Variants in ASCC3 observed in about 807,000 individuals in gnomAD.
ASCC3 encodes activating signal cointegrator 1 complex subunit 3.
A neutral mutation model predicts 256.3 loss-of-function variants in ASCC3; 158 were observed. The ratio of observed to expected loss-of-function variants is 0.62; its 90% CI spans 0.54 to 0.70. The LOEUF is 0.70. Ranked by LOEUF, ASCC3 falls within the 30% of genes least tolerant of loss-of-function variation. ASCC3 has a pLI of 0.00. For missense variants in ASCC3, 2,259 were observed against 2,626.0 expected (o/e 0.86, Z 3.05); for synonymous variants, 948 against 883.4 (o/e 1.07, Z -1.30).
intron 36 of ASCC3, among the ~76,000 whole-genome samples, chr6:100,573,363 A>G (rs1353382591): frequency 6.6e-6 from 1 of 152,152 alleles, no homozygotes; most frequent in East Asian, 1.9e-4. Context: ...AGGAGGTCAT[A>G]GTGATTTCTG....
At chr6:100,715,354 A>G in intron 13 of ASCC3, 108 bp downstream of exon 13, 2 of 964,018 alleles carry the variant, frequency 2.1e-6, no homozygotes, top group Middle Eastern at 6.1e-4. Context: ...ATTGCCTCAG[A>G]ATTAAAGAAA....
At chr6:100,578,667 T>C (rs935027542) in intron 36 of ASCC3, among the ~76,000 whole-genome samples, 30 of 152,240 alleles carry the variant, frequency 2.0e-4, no homozygotes, top group African/African-American at 6.7e-4. Context: ...CAGTCTACTG[T>C]TGACGGGCAT....
At chr6:100,837,398 G>A (rs1771928592) in intron 4 of ASCC3, among the ~76,000 whole-genome samples, 2 of 151,948 alleles carry the variant, frequency 1.3e-5, no homozygotes. Flanking sequence ...TATATCCACA[G>A]GAAAACAAAT....
intron 8 of ASCC3, among the ~76,000 whole-genome samples, chr6:100,790,428 G>T (rs1769297680): frequency 6.6e-6 from 1 of 151,842 alleles, no homozygotes; most frequent in Non-Finnish European, 1.5e-5. Flanking sequence ...ATGAACTCAA[G>T]AAATTATTAC....
intron 39 of ASCC3, among the ~76,000 whole-genome samples, chr6:100,513,594 T>C: frequency 6.6e-6 from 1 of 152,178 alleles, no homozygotes; most frequent in African/African-American, 2.4e-5. Flanking sequence ...TTATATTTTA[T>C]ATCATAAGGA....
At chr6:100,588,732 G>A (rs1041540088) in intron 36 of ASCC3, among the ~76,000 whole-genome samples, 14 of 151,938 alleles carry the variant, frequency 9.2e-5, no homozygotes, top group Non-Finnish European at 2.1e-4. Flanking sequence ...TTTCTTGTAG[G>A]GGAAAAAACT....
At chr6:100,799,229 G>T (rs1257250754) in intron 7 of ASCC3, among the ~76,000 whole-genome samples, 2 of 151,992 alleles carry the variant, frequency 1.3e-5, no homozygotes, top group Non-Finnish European at 2.9e-5. Context: ...ACAATGAAAA[G>T]GAGGGAAACA....
chr6:100,820,586 T>C (rs1770989226), intron 4 of ASCC3, among the ~76,000 whole-genome samples: 2 of 151,336 alleles, frequency 1.3e-5, no homozygotes, highest in Admixed American at 1.3e-4. Context: ...TAAAAAAAAA[T>C]TCCTAACTAT....
chr6:100,725,572 T>C lies in ASCC3; in HGVS notation c.1869A>G (p.Val623=), dbSNP rs1358443676. 3 of 1,612,786 alleles carry C rather than the reference T, an allele frequency of 1.9e-6. No homozygotes were observed. The highest frequency in any genetic ancestry group is 1.1e-5 in the South Asian group (1 of 91,056). The part of the protein sequence containing the change: ...VHLLHEDRGP[V]LESIVARTLR... Reference sequence around the variant, plus strand: ...AAGTACGGGCAACTATGCTTTCTAATACTGGTCCTCTATCTTCATGCAGCA... The same window carrying C: ...AAGTACGGGCAACTATGCTTTCTAACACTGGTCCTCTATCTTCATGCAGCA... Residue 623 remains valine (V), a synonymous_variant, in exon 11 of 42, where the codon GTA becomes GTG. Coordinates refer to ENST00000369162, the MANE Select transcript of ASCC3 (RefSeq NM_006828.4).
intron 8 of ASCC3, among the ~76,000 whole-genome samples, chr6:100,777,708 C>T (rs1280292541): frequency 6.6e-6 from 1 of 151,898 alleles, no homozygotes; most frequent in Non-Finnish European, 1.5e-5. Context: ...AGAAGCAGAC[C>T]ACTAAATCAG....
At chr6:100,822,615 G>A (rs1032911988) in intron 4 of ASCC3, among the ~76,000 whole-genome samples, 1 of 151,704 alleles carries the variant, frequency 6.6e-6, no homozygotes, top group Non-Finnish European at 1.5e-5. Flanking sequence ...CTGTGAGTGA[G>A]ATACAACCTC....
At chr6:100,581,550 G>A (rs1413656982) in intron 36 of ASCC3, among the ~76,000 whole-genome samples, 2 of 150,818 alleles carry the variant, frequency 1.3e-5, no homozygotes, top group African/African-American at 2.4e-5. Flanking sequence ...TCACTCTGAT[G>A]GTAGTTTCTT....
chr6:100,708,862 T>C (rs1201787995), intron 13 of ASCC3, among the ~76,000 whole-genome samples: 1 of 152,150 alleles, frequency 6.6e-6, no homozygotes, highest in Admixed American at 6.6e-5. Context: ...ATTTTACTAA[T>C]TGAAAATAAG....
intron 32 of ASCC3, 65 bp from the exon 33 acceptor site, chr6:100,605,765 T>C: frequency 6.5e-7 from 1 of 1,534,020 alleles, no homozygotes; most frequent in South Asian, 1.1e-5. Context: ...TATTTACTGA[T>C]TATGGCATGC....
intron 10 of ASCC3, among the ~76,000 whole-genome samples, chr6:100,746,917 A>C (rs1780705903): frequency 6.6e-6 from 1 of 152,152 alleles, no homozygotes; most frequent in South Asian, 2.1e-4. Flanking sequence ...TAGAGGTGTC[A>C]AGTCAATTTG....
chr6:100,602,201 C>T (rs978881649), intron 33 of ASCC3, among the ~76,000 whole-genome samples: 2 of 151,960 alleles, frequency 1.3e-5, no homozygotes, highest in Admixed American at 1.3e-4. Context: ...GTATTATTCA[C>T]CAGTACATAT....
chr6:100,795,327 A>C (rs1769556383), intron 8 of ASCC3, among the ~76,000 whole-genome samples: 1 of 152,094 alleles, frequency 6.6e-6, no homozygotes, highest in African/African-American at 2.4e-5. Context: ...AAAAATAATA[A>C]GAGAAACACA....
At chr6:100,574,911 T>C (rs1770779946) in intron 36 of ASCC3, among the ~76,000 whole-genome samples, 1 of 152,028 alleles carries the variant, frequency 6.6e-6, no homozygotes, top group South Asian at 2.1e-4. Context: ...ATGGACAACA[T>C]GGAAGGTCTC....
intron 14 of ASCC3, among the ~76,000 whole-genome samples, chr6:100,676,760 A>T (rs985198589): frequency 9.7e-6 from 1 of 103,564 alleles, no homozygotes; most frequent in Non-Finnish European, 2.0e-5. Flanking sequence ...GCACACACAC[A>T]CTCACACACA....
Sources: allele counts gnomAD v4.1 joint callset (sites outside exome capture counted in the v4.1 genomes callset), GRCh38; gene constraint gnomAD v4.1.1; transcripts MANE v1.5; gene names NCBI Gene and HGNC (gene_info 2026-07-23, HGNC 2026-07-21).